The following PPP1R21 variants were observed in gnomAD, a reference collection of about 807,000 sequenced individuals.
The protein encoded by PPP1R21 is KLRAQ motif containing 1.
A neutral mutation model predicts 112.8 loss-of-function variants in PPP1R21; 85 were observed. The observed-to-expected ratio is 0.75, with a 90% CI of 0.63 to 0.90. PPP1R21 has a LOEUF of 0.90. Among genes scored for constraint, PPP1R21 ranks in the 40% least tolerant of loss-of-function variants. The probability of loss-of-function intolerance (pLI) is 0.00; values close to 1 mark genes in which losing one functional copy is unlikely to be tolerated. For synonymous variants in PPP1R21, 381 were observed against 322.3 expected (o/e 1.18, Z -1.95); for missense variants, 1,199 against 901.5 (o/e 1.33, Z -4.23).
chr2:48,447,448 C>G (rs1312532016), intron 1 of PPP1R21, among the ~76,000 whole-genome samples: 1 of 151,964 alleles, frequency 6.6e-6, no homozygotes, highest in Admixed American at 6.5e-5. Context: ...AAAATAAGCT[C>G]TATCATCTGC....
intron 12 of PPP1R21, among the ~76,000 whole-genome samples, chr2:48,475,996 T>C (rs1668736767): frequency 6.6e-6 from 1 of 152,228 alleles, no homozygotes; most frequent in Non-Finnish European, 1.5e-5. Flanking sequence ...AAGTTTACAA[T>C]TCAGTGGTTT....
At chr2:48,508,864 G>C (rs990029649) in intron 19 of PPP1R21, among the ~76,000 whole-genome samples, 20 of 152,130 alleles carry the variant, frequency 1.3e-4, no homozygotes, top group African/African-American at 4.3e-4. Context: ...AGTTATTTTA[G>C]TAAATATCTT....
chr2:48,513,459 T>C (rs1000814815), intron 21 of PPP1R21, among the ~76,000 whole-genome samples: 2 of 151,938 alleles, frequency 1.3e-5, no homozygotes, highest in African/African-American at 2.4e-5. Flanking sequence ...ATAAGCTGGC[T>C]GCAGCTTCCC....
chr2:48,467,663 G>C (rs1668265140), intron 9 of PPP1R21, among the ~76,000 whole-genome samples: 1 of 152,210 alleles, frequency 6.6e-6, no homozygotes, highest in South Asian at 2.1e-4. Context: ...AGCGATCTAA[G>C]AGCAAGGTGG....
At chr2:48,464,395 G>A (rs924008512) in intron 7 of PPP1R21, among the ~76,000 whole-genome samples, 1 of 152,108 alleles carries the variant, frequency 6.6e-6, no homozygotes, top group African/African-American at 2.4e-5. Context: ...GAGGAGGTAT[G>A]GCTAGGTAGG....
chr2:48,480,757 G>T (rs1324734662), intron 13 of PPP1R21, among the ~76,000 whole-genome samples: 2 of 152,146 alleles, frequency 1.3e-5, no homozygotes, highest in Non-Finnish European at 2.9e-5. Flanking sequence ...TAGTCCAGGT[G>T]CCTGGATGAT....
intron 9 of PPP1R21, among the ~76,000 whole-genome samples, chr2:48,467,247 T>C (rs985270372): frequency 6.6e-6 from 1 of 152,184 alleles, no homozygotes; most frequent in Admixed American, 6.5e-5. Context: ...TTTTGGGCCA[T>C]TAGATTTTGC....
intron 3 of PPP1R21, among the ~76,000 whole-genome samples, chr2:48,457,068 A>G (rs1340536959): frequency 1.3e-5 from 2 of 151,974 alleles, no homozygotes; most frequent in South Asian, 2.1e-4. Context: ...AAAAAGATAC[A>G]TGCCCTGGAA....
At chr2:48,462,068 A>G (rs1401534512) in intron 7 of PPP1R21, among the ~76,000 whole-genome samples, 1 of 152,208 alleles carries the variant, frequency 6.6e-6, no homozygotes, top group African/African-American at 2.4e-5. Flanking sequence ...TACTGGATTC[A>G]CTGGATTTGA....
chr2:48,479,607 T>A, intron 12 of PPP1R21: 2 of 544,432 alleles, frequency 3.7e-6, no homozygotes, highest in Non-Finnish European at 7.2e-6. Context: ...GAATGAAAAA[T>A]GCATTATATA....
At chr2:48,509,447 T>C (rs965962131) in intron 19 of PPP1R21, among the ~76,000 whole-genome samples, 1 of 151,956 alleles carries the variant, frequency 6.6e-6, no homozygotes, top group Admixed American at 6.6e-5. Context: ...GGCTCACACC[T>C]GTAATCCCAG....
intron 20 of PPP1R21, among the ~76,000 whole-genome samples, chr2:48,510,588 C>G (rs1670595431): frequency 2.0e-5 from 3 of 152,218 alleles, no homozygotes; most frequent in South Asian, 2.1e-4. Context: ...AAACACAGCA[C>G]TACAGCAACA....
At chr2:48,494,605 G>A (rs1306811542) in intron 15 of PPP1R21, among the ~76,000 whole-genome samples, 1 of 151,834 alleles carries the variant, frequency 6.6e-6, no homozygotes, top group African/African-American at 2.4e-5. Flanking sequence ...TAGTAGAAAC[G>A]GGGTTTCACC....
rs998015174 is a variant in PPP1R21, at chr2:48,460,025, G to A, written c.541-70G>A. The A allele has an allele frequency of 3.2e-5, 51 of 1,597,084 alleles. No individual in the cohort carries two copies. The East Asian group carries it at 1.0e-3, about 32-fold the overall frequency. ...TTTCTGGTGAGACTTTTGCCTGCAG[G>A]GTCTTACTAAGTGTGCTCCTATCTG... On this transcript the variant is annotated intron_variant, in intron 5 of 21. Coordinates refer to ENST00000294952, the MANE Select transcript of PPP1R21 (RefSeq NM_001135629.3).
At position 48,454,764 on chromosome 2, in the gene PPP1R21, T is replaced by C. The variant is rs79838277; in HGVS notation, c.273+23T>C. 1.2e-4 allele frequency: 194 copies of C among 1,593,802 alleles called. 2 individuals are homozygous for C. The East Asian group carries it at 4.2e-3, about 34-fold the overall frequency. The stretch of plus-strand genomic sequence containing the variant: ...AAGGTAGGTTCAAATACAGGCAAGT[T>C]AGTGTGACCTTGTCGTTAGTTACTG... On this transcript the variant is annotated intron_variant, in intron 3 of 21. Transcript: ENST00000294952.
At chr2:48,479,374 C>A in intron 12 of PPP1R21, 1 of 424,920 alleles carries the variant, frequency 2.4e-6, no homozygotes. Context: ...TAGCCTCTCA[C>A]TGTTATTACT....
Position 48,458,149 on chromosome 2 carries a change from G to C in PPP1R21, c.297G>C (p.Gln99His), listed in dbSNP as rs199950983. The change falls in exon 4 of 22, where the codon CAG becomes CAC. Residue 99 changes from glutamine to histidine, a missense_variant. By Grantham distance (24) the Gln-to-His change is conservative (BLOSUM62 0). Transcript: ENST00000294952. ...AGAAAAGTGGAGAATCTTCTTCTCA[G>C]TTGAGTCAAGAGCAGAAGAGTGTCT... ...KNKKSGESSS[Q>H]LSQEQKSVFD... 6.2e-7 allele frequency: 1 copy of C among 1,611,500 alleles called. No individual in the cohort carries two copies. The highest frequency in any genetic ancestry group is 1.3e-5 in the African/African-American group (1 of 74,870).
In PPP1R21 at chr2:48,464,959, G is replaced by A; in HGVS notation, c.717G>A (p.Leu239=). The A allele has an allele frequency of 6.4e-7, 1 of 1,560,944 alleles. No homozygotes were observed. The change falls in exon 8 of 22, where the codon CTG becomes CTA. Residue 239 remains leucine, a synonymous_variant. Transcript: ENST00000294952. The part of the protein sequence containing the change: ...NDTKYSQYNA[L]NVPLHNRRHQ... ...TAGAATATAGTCAGTACAACGCTCTGAACGTTCCACTCCACAATAGGAGAC... is the reference window on the plus strand; with the variant it reads ...TAGAATATAGTCAGTACAACGCTCTAAACGTTCCACTCCACAATAGGAGAC...
rs558073204 is a variant in PPP1R21, at chr2:48,509,953, C to T, written c.2086-62C>T. ...GAGAAGTGTTTTTAACAAACTTTCC[C>T]GAAGCAAATTTGGTTTTAGAAAGTG... On this transcript the variant is annotated intron_variant, in intron 19 of 21. Transcript: ENST00000294952. 179 of 1,264,384 alleles carry T rather than the reference C, an allele frequency of 1.4e-4. No homozygotes were observed. The African/African-American group carries it at 1.9e-3, about 14-fold the overall frequency. The allele number at this position is 1,264,384 out of a possible 1,614,324, so 78.3% of individuals were successfully genotyped here.
Sources: gnomAD v4.1 joint callset for allele counts (sites outside exome capture counted in the v4.1 genomes callset) on GRCh38, gnomAD v4.1.1 for gene constraint, MANE v1.5 for transcripts, NCBI Gene and HGNC (gene_info 2026-07-23, HGNC 2026-07-21) for gene names.